The following CFAP54 variants were observed in gnomAD, a reference collection of about 807,000 sequenced individuals.
CFAP54 encodes cilia and flagella associated protein 54, also known as cilia- and flagella-associated protein 54.
Under a neutral mutation model 370.4 loss-of-function variants are expected in CFAP54, and 290 were observed. The ratio of observed to expected loss-of-function variants is 0.78; its 90% CI spans 0.71 to 0.86. The LOEUF (loss-of-function observed/expected upper bound fraction) is 0.86, where lower values mean the gene tolerates loss of function less well. Among genes scored for constraint, CFAP54 ranks in the 40% least tolerant of loss-of-function variants. The pLI is 0.00. For missense variants in CFAP54, 3,399 were observed against 3,528.7 expected, an observed-to-expected ratio of 0.96 and a Z score of 0.93; for synonymous variants, 1,206 against 1,236.5, an observed-to-expected ratio of 0.98 and a Z score of 0.52.
At chr12:96,556,825 T>A (rs990942078) in intron 17 of CFAP54, among the ~76,000 whole-genome samples, 1 of 152,202 alleles carries the variant, frequency 6.6e-6, no homozygotes, top group Non-Finnish European at 1.5e-5. Flanking sequence ...TACTGCATGT[T>A]GTCACTTATA....
chr12:96,522,113 G>A lies in CFAP54; in HGVS notation c.1082G>A (p.Gly361Glu). 1 of 1,535,552 alleles carries A rather than the reference G, an allele frequency of 6.5e-7. No individual in the cohort carries two copies. The highest frequency in any genetic ancestry group is 8.7e-7 in the Non-Finnish European group (1 of 1,146,738). Residue 361 changes from glycine (G) to glutamate (E), a missense_variant, in exon 8 of 68, where the codon GGA (glycine) becomes GAA (glutamate). Physicochemically the swap from Gly to Glu is moderately conservative, Grantham distance 98 (BLOSUM62 -2). Around this residue, in one of 3 missense-constraint regions of CFAP54, gnomAD observed 559 missense variants for 576.7 expected, o/e 0.97. Coordinates refer to ENST00000524981, the MANE Select transcript of CFAP54 (RefSeq NM_001306084.2). Reference protein sequence around the residue: ...MKMAVMIFKRGVFESRRKNKA... With the variant: ...MKMAVMIFKREVFESRRKNKA... ...ATGGCAGTGATGATCTTCAAAAGAG[G>A]AGTCTTTGAATCTAGAAGAAAAAAC...
intron 66 of CFAP54, among the ~76,000 whole-genome samples, chr12:96,845,313 G>A (rs1475872177): frequency 6.6e-6 from 1 of 152,156 alleles, no homozygotes; most frequent in South Asian, 2.1e-4. Context: ...TTTATTGGTA[G>A]TATAACCACT....
intron 1 of CFAP54, 120 bp from the exon 2 acceptor site, chr12:96,500,714 T>C: frequency 1.8e-6 from 1 of 561,628 alleles, no homozygotes; most frequent in Non-Finnish European, 3.0e-6. Flanking sequence ...TAATTGGACA[T>C]TAACAATAAG....
At chr12:96,700,501 A>G (rs1957480740) in intron 46 of CFAP54, among the ~76,000 whole-genome samples, 1 of 152,186 alleles carries the variant, frequency 6.6e-6, no homozygotes, top group Non-Finnish European at 1.5e-5. Flanking sequence ...TTCATACTTT[A>G]TACCAAAGTT....
intron 9 of CFAP54, among the ~76,000 whole-genome samples, chr12:96,533,042 A>T (rs1471528310): frequency 1.6e-4 from 24 of 151,326 alleles, no homozygotes; most frequent in Admixed American, 1.6e-3. Context: ...CAGTGGGCAG[A>T]CTCTAGCACT....
intron 19 of CFAP54, among the ~76,000 whole-genome samples, chr12:96,568,949 G>T (rs140243836): frequency 6.7e-6 from 1 of 148,694 alleles, no homozygotes; most frequent in East Asian, 2.0e-4. Context: ...CCATTTTCTT[G>T]TCTTGGTTAT....
intron 66 of CFAP54, among the ~76,000 whole-genome samples, chr12:96,854,515 G>A (rs1205953576): frequency 6.6e-6 from 1 of 152,092 alleles, no homozygotes; most frequent in Non-Finnish European, 1.5e-5. Context: ...CAACTTTAGA[G>A]AATCAATAGT....
intron 26 of CFAP54, among the ~76,000 whole-genome samples, chr12:96,614,179 T>G (rs962725360): frequency 6.6e-6 from 1 of 152,206 alleles, no homozygotes; most frequent in Non-Finnish European, 1.5e-5. Context: ...TCAAGGGGGC[T>G]TCATCCCTGG....
chr12:96,736,406 G>A (rs1957981050), intron 50 of CFAP54, among the ~76,000 whole-genome samples: 1 of 152,262 alleles, frequency 6.6e-6, no homozygotes, highest in South Asian at 2.1e-4. Context: ...GCCCGGCTTG[G>A]CTCATGTGCC....
intron 14 of CFAP54, among the ~76,000 whole-genome samples, chr12:96,546,014 G>A (rs1357449039): frequency 6.6e-6 from 1 of 152,192 alleles, no homozygotes; most frequent in Non-Finnish European, 1.5e-5. Flanking sequence ...CCTGAATTCT[G>A]TGAGCCACTG....
intron 48 of CFAP54, among the ~76,000 whole-genome samples, chr12:96,710,791 C>G (rs1957603321): frequency 6.6e-6 from 1 of 152,040 alleles, no homozygotes; most frequent in Non-Finnish European, 1.5e-5. Context: ...TCCTGGGTAA[C>G]TGGGATTACA....
chr12:96,829,231 CAA>C, intron 66 of CFAP54, 143 bp downstream of exon 66: 1 of 472,148 alleles, frequency 2.1e-6, no homozygotes, highest in African/African-American at 1.9e-5. Flanking sequence ...CATGAGTTTA[CAA>C]TAACACATTA....
rs36009754 is a variant in CFAP54, at chr12:96,830,844, AT to A, written c.9171+1767del. Among the ~76,000 whole-genome samples the A allele has an allele frequency of 0.01, 1,467 of 146,664 alleles. 53 individuals carry two copies. In the East Asian group the frequency reaches 0.1, roughly 10 times the overall value. Reference sequence around the variant, plus strand: ...CAGGCAAGCGCCCCATACCTGGCTAATTTTTTTTTTTAGTAGCGATAGGGTT... The same window carrying A: ...CAGGCAAGCGCCCCATACCTGGCTAATTTTTTTTTTAGTAGCGATAGGGTT... On this transcript the variant is annotated intron_variant, in intron 66 of 67. Transcript: ENST00000524981.
chr12:96,742,591 A>C lies in CFAP54; in HGVS notation c.7219+5A>C. 1 of 1,609,148 alleles carries C rather than the reference A, an allele frequency of 6.2e-7. No individual in the cohort carries two copies. The highest frequency in any genetic ancestry group is 1.1e-5 in the South Asian group (1 of 89,766). ...ATGGCATTGGAATTGTGAAAGGTAC[A>C]AACATTTGCTTAATCAATGTTTTCA... is the stretch of plus-strand genomic sequence containing the variant. On this transcript the variant is annotated splice_donor_5th_base_variant and intron_variant, in intron 52 of 67. Transcript: ENST00000524981.
At chr12:96,835,416 G>T (rs1469810092) in intron 66 of CFAP54, among the ~76,000 whole-genome samples, 1 of 152,146 alleles carries the variant, frequency 6.6e-6, no homozygotes, top group Non-Finnish European at 1.5e-5. Flanking sequence ...GGCACCATAA[G>T]TCCCCACTCT....
intron 61 of CFAP54, among the ~76,000 whole-genome samples, chr12:96,785,348 T>C (rs962990450): frequency 6.6e-6 from 1 of 152,054 alleles, no homozygotes; most frequent in African/African-American, 2.4e-5. Flanking sequence ...CTAAAAAATA[T>C]CCAGAAAAAC....
At chr12:96,782,826 A>T (rs1163709599) in intron 60 of CFAP54, among the ~76,000 whole-genome samples, 2 of 152,214 alleles carry the variant, frequency 1.3e-5, no homozygotes, top group Non-Finnish European at 2.9e-5. Flanking sequence ...TAATTTGTGC[A>T]TGCGTGCACC....
rs1280057726 is a variant in CFAP54 at position 96,598,784 on chromosome 12, TTATC to T, written c.3639+20_3639+23del. 7 of 571,006 alleles carry T rather than the reference TTATC, an allele frequency of 1.2e-5. No individual in the cohort carries two copies. Among genetic ancestry groups the T allele is most frequent in the Non-Finnish European group, 2.2e-5 (7 of 315,730 alleles). 35.4% of individuals were successfully genotyped at this position (571,006 alleles called of 1,614,324 possible). A position where few individuals can be genotyped will look rare whatever the true frequency, so the allele number is the denominator to read the frequency against. The stretch of plus-strand genomic sequence containing the variant: ...ATAACAAAGGTATTTATCTCATTCT[TTATC>T]TAGTATTATAATATTTAGGAGCGAT... On this transcript the variant is annotated intron_variant, in intron 26 of 67. Coordinates refer to ENST00000524981, the MANE Select transcript of CFAP54 (RefSeq NM_001306084.2).
At chr12:96,498,304 G>A (rs1954982094) in intron 1 of CFAP54, among the ~76,000 whole-genome samples, 1 of 152,172 alleles carries the variant, frequency 6.6e-6, no homozygotes, top group South Asian at 2.1e-4. Context: ...CAGACTGTAC[G>A]CCCTTCACAA....
Sources: gnomAD v4.1 joint callset for allele counts (sites outside exome capture counted in the v4.1 genomes callset) on GRCh38, gnomAD v4.1.1 for gene constraint, gnomAD v4.1.1 regional missense constraint, MANE v1.5 for transcripts, NCBI Gene and HGNC (gene_info 2026-07-23, HGNC 2026-07-21) for gene names.